ZFAND3: variants seen among roughly 807,000 people sequenced by gnomAD.
ZFAND3 encodes zinc finger AN1-type containing 3.
In ZFAND3, 10 loss-of-function variants were observed where a neutral mutation model predicts 29.6. The observed-to-expected ratio is 0.34, with a 90% CI of 0.21 to 0.57. The LOEUF (loss-of-function observed/expected upper bound fraction) is 0.57, where lower values mean the gene tolerates loss of function less well. ZFAND3 is among the 20% of genes least tolerant of loss of function. The probability of loss-of-function intolerance (pLI) is 0.86; values close to 1 mark genes in which losing one functional copy is unlikely to be tolerated. For synonymous variants in ZFAND3, 128 were observed against 112.6 expected (o/e 1.14, Z -0.87); for missense variants, 230 against 304.5 (o/e 0.76, Z 1.82).
chr6:37,993,131 A>G (rs1013065993), intron 2 of ZFAND3, among the ~76,000 whole-genome samples: 14 of 152,178 alleles, frequency 9.2e-5, no homozygotes, highest in South Asian at 8.3e-4. Context: ...GGTGAGTTCA[A>G]TCTCACGTTT....
chr6:38,116,190 A>G (rs75501731), intron 4 of ZFAND3, among the ~76,000 whole-genome samples: 6,957 of 152,294 alleles, frequency 0.046, 462 homozygotes, highest in African/African-American at 0.14. Flanking sequence ...CAAATGCCCA[A>G]GAAAAGATAT....
intron 1 of ZFAND3, among the ~76,000 whole-genome samples, chr6:37,827,746 G>C (rs1000931978): frequency 6.6e-6 from 1 of 152,220 alleles, no homozygotes; most frequent in East Asian, 1.9e-4. Context: ...GAGGGATGAT[G>C]TACTAGCTAA....
At chr6:37,863,350 A>G (rs1764528426) in intron 1 of ZFAND3, among the ~76,000 whole-genome samples, 1 of 152,218 alleles carries the variant, frequency 6.6e-6, no homozygotes, top group Admixed American at 6.5e-5. Flanking sequence ...CATTAGGTGG[A>G]AAGAAACTTC....
At chr6:38,034,163 C>T (rs1387246497) in intron 2 of ZFAND3, among the ~76,000 whole-genome samples, 1 of 152,158 alleles carries the variant, frequency 6.6e-6, no homozygotes, top group Admixed American at 6.5e-5. Flanking sequence ...TTTGTGTGAA[C>T]TTAAATGTGC....
chr6:37,952,903 G>T (rs1762022300), intron 2 of ZFAND3, among the ~76,000 whole-genome samples: 1 of 151,106 alleles, frequency 6.6e-6, no homozygotes, highest in Non-Finnish European at 1.5e-5. Context: ...CTTCTTGATG[G>T]TCTAGTCTCG....
chr6:37,860,335 T>C (rs1221333823), intron 1 of ZFAND3, among the ~76,000 whole-genome samples: 1 of 152,076 alleles, frequency 6.6e-6, no homozygotes, highest in Non-Finnish European at 1.5e-5. Flanking sequence ...GTGGCTTATA[T>C]TCAGAAGTTT....
intron 2 of ZFAND3, among the ~76,000 whole-genome samples, chr6:37,947,248 G>A (rs1561943157): frequency 1.3e-5 from 2 of 152,064 alleles, no homozygotes; most frequent in Non-Finnish European, 2.9e-5. Context: ...CTATAGTAGA[G>A]AGCAGAAAAT....
intron 2 of ZFAND3, among the ~76,000 whole-genome samples, chr6:37,999,933 A>G (rs1259549354): frequency 6.6e-6 from 1 of 152,208 alleles, no homozygotes; most frequent in Non-Finnish European, 1.5e-5. Context: ...TCCTGAGTAT[A>G]TGGGAATTCT....
At chr6:37,963,292 A>G (rs924931411) in intron 2 of ZFAND3, among the ~76,000 whole-genome samples, 6 of 152,250 alleles carry the variant, frequency 3.9e-5, no homozygotes, top group African/African-American at 1.4e-4. Flanking sequence ...AAATTCCTTG[A>G]AACAAATGAT....
At chr6:38,077,656 G>A (rs1352057711) in intron 3 of ZFAND3, among the ~76,000 whole-genome samples, 1 of 152,178 alleles carries the variant, frequency 6.6e-6, no homozygotes, top group Non-Finnish European at 1.5e-5. Flanking sequence ...ATTAACTGCA[G>A]CAAGTGAGGG....
intron 1 of ZFAND3, among the ~76,000 whole-genome samples, chr6:37,892,812 ATACTG>A (rs1162818127): frequency 6.6e-6 from 1 of 152,196 alleles, no homozygotes; most frequent in Non-Finnish European, 1.5e-5. Context: ...TTATAAAAGA[ATACTG>A]TGAACAAATT....
intron 2 of ZFAND3, among the ~76,000 whole-genome samples, chr6:37,941,826 A>G (rs1761815329): frequency 6.6e-6 from 1 of 152,100 alleles, no homozygotes; most frequent in Non-Finnish European, 1.5e-5. Context: ...TATGGAAAAA[A>G]ACTCCTGTTT....
At chr6:38,108,848 C>T (rs147423317) in intron 4 of ZFAND3, among the ~76,000 whole-genome samples, 4 of 152,132 alleles carry the variant, frequency 2.6e-5, no homozygotes, top group East Asian at 1.9e-4. Flanking sequence ...CCATTATAGT[C>T]GAGTTAAAGG....
chr6:37,887,742 T>C (rs1000888575), intron 1 of ZFAND3, among the ~76,000 whole-genome samples: 4 of 152,248 alleles, frequency 2.6e-5, no homozygotes, highest in African/African-American at 7.2e-5. Flanking sequence ...GTTAATCTAA[T>C]TAAGCTGTGA....
At position 38,061,885 on chromosome 6, in the gene ZFAND3, TAA is replaced by T. The variant is rs1043135575; in HGVS notation, c.295+111_295+112del. 6.4e-5 allele frequency: 84 copies of T among 1,319,158 alleles called. No homozygotes were observed. The African/African-American group carries it at 9.0e-4, about 14-fold the overall frequency. 81.7% of individuals were successfully genotyped at this position (1,319,158 alleles called of 1,614,324 possible). A position where few individuals can be genotyped will look rare whatever the true frequency, so the allele number is the denominator to read the frequency against. ...AAACAGCACTTCTTTTAATTCAAGA[TAA>T]GTGTCCACATACAAGGCCCAAGCTC... is the stretch of plus-strand genomic sequence containing the variant. On this transcript the variant is annotated intron_variant, in intron 3 of 5. Coordinates refer to ENST00000287218, the MANE Select transcript of ZFAND3 (RefSeq NM_021943.3).
chr6:37,997,728 G>T (rs936881004), intron 2 of ZFAND3, among the ~76,000 whole-genome samples: 3 of 152,194 alleles, frequency 2.0e-5, no homozygotes, highest in Admixed American at 1.3e-4. Flanking sequence ...TTGAATCCTA[G>T]TGTATACAGT....
intron 1 of ZFAND3, among the ~76,000 whole-genome samples, chr6:37,901,913 A>G (rs1765325602): frequency 1.3e-5 from 2 of 152,350 alleles, no homozygotes; most frequent in Admixed American, 1.3e-4. Flanking sequence ...AAAAGACAAA[A>G]GTAATTTAAT....
chr6:37,957,575 T>G (rs187046573), intron 2 of ZFAND3, among the ~76,000 whole-genome samples: 1 of 152,322 alleles, frequency 6.6e-6, no homozygotes, highest in African/African-American at 2.4e-5. Context: ...TAGATTTGTT[T>G]TTTACTCAAG....
chr6:37,914,642 TTTTCTTTC>T (rs143078312), intron 1 of ZFAND3, among the ~76,000 whole-genome samples: 52 of 143,388 alleles, frequency 3.6e-4, no homozygotes, highest in African/African-American at 1.1e-3. Context: ...CCCATAATTA[TTTTCTTTC>T]TTTCTTTCTT....
Sources: gnomAD v4.1 joint callset for allele counts (sites outside exome capture counted in the v4.1 genomes callset) on GRCh38, gnomAD v4.1.1 for gene constraint, MANE v1.5 for transcripts, NCBI Gene and HGNC (gene_info 2026-07-23, HGNC 2026-07-21) for gene names.